BTBD9: variants seen among roughly 807,000 people sequenced by gnomAD.
BTBD9 encodes BTB domain containing 9.
BTBD9 carries 49 observed loss-of-function variants against 64.3 expected under a neutral mutation model. The ratio of observed to expected loss-of-function variants is 0.76; its 90% CI spans 0.61 to 0.97. The LOEUF (loss-of-function observed/expected upper bound fraction) is 0.97, where lower values mean the gene tolerates loss of function less well. BTBD9 is among the 50% of genes least tolerant of loss of function. BTBD9 has a pLI of 0.00. For synonymous variants in BTBD9, 260 were observed against 274.7 expected (o/e 0.95, Z 0.53); for missense variants, 598 against 762.1 (o/e 0.78, Z 2.53).
At chr6:38,351,768 G>C (rs1157614135) in intron 6 of BTBD9, among the ~76,000 whole-genome samples, 1 of 151,852 alleles carries the variant, frequency 6.6e-6, no homozygotes, top group Non-Finnish European at 1.5e-5. Flanking sequence ...CAAAGTGCTG[G>C]GATTACAGGC....
At chr6:38,513,352 G>A (rs1582556297) in intron 6 of BTBD9, among the ~76,000 whole-genome samples, 1 of 152,110 alleles carries the variant, frequency 6.6e-6, no homozygotes, top group South Asian at 2.1e-4. Context: ...GGAGGCTGAA[G>A]CAGAAGAATT....
At position 38,384,371 on chromosome 6, in the gene BTBD9, A is replaced by G. The variant is rs77595022; in HGVS notation, c.1155-39278T>C. On this transcript the variant is annotated intron_variant, in intron 6 of 10. Coordinates refer to ENST00000481247, the MANE Select transcript of BTBD9 (RefSeq NM_001099272.2). ...TAGGTTTTACCTGATGAAGAATTCA[A>G]TAAAATGGTATTAAAAGAGACAAAG... Among the ~76,000 whole-genome samples the G allele has an allele frequency of 5.4e-3, 824 of 152,330 alleles. 8 individuals are homozygous for G. The Middle Eastern group carries it at 0.061, about 11-fold the overall frequency.
chr6:38,288,439 T>C lies in BTBD9; in HGVS notation c.1287A>G (p.Thr429=), dbSNP rs200159473. The change falls in exon 8 of 11, where the codon ACA becomes ACG. Residue 429 remains threonine, a synonymous_variant. Transcript: ENST00000481247. ...CAATCACACTGGCACAATCAGCAAT[T>C]GTTGCAACATTCTCCATGGGAACTG... ...GLIVPMENVA[T]IADCASVIEG... The C allele has an allele frequency of 5.1e-5, 82 of 1,613,912 alleles. No individual in the cohort carries two copies. Among genetic ancestry groups the C allele is most frequent in the Middle Eastern group, 3.3e-4 (2 of 6,058 alleles).
chr6:38,365,429 G>C (rs910713735), intron 6 of BTBD9, among the ~76,000 whole-genome samples: 1 of 152,180 alleles, frequency 6.6e-6, no homozygotes, highest in Non-Finnish European at 1.5e-5. Context: ...ACCAGCAAGA[G>C]TAACAGGCTA....
intron 9 of BTBD9, among the ~76,000 whole-genome samples, chr6:38,201,729 C>A (rs1762467900): frequency 6.6e-6 from 1 of 152,186 alleles, no homozygotes. Flanking sequence ...GGTTGATAAG[C>A]AGATTCAGTA....
chr6:38,302,293 T>A (rs1056219127), intron 7 of BTBD9, among the ~76,000 whole-genome samples: 12 of 151,874 alleles, frequency 7.9e-5, no homozygotes, highest in Non-Finnish European at 1.5e-4. Flanking sequence ...CTTCTCAGCC[T>A]CTGGTAACCA....
intron 6 of BTBD9, among the ~76,000 whole-genome samples, chr6:38,495,273 T>C (rs1006132704): frequency 3.3e-5 from 5 of 152,228 alleles, no homozygotes; most frequent in Non-Finnish European, 4.4e-5. Flanking sequence ...TGAGGATTCA[T>C]TGTAATGATG....
At chr6:38,194,547 T>A (rs560462253) in intron 9 of BTBD9, among the ~76,000 whole-genome samples, 1 of 152,180 alleles carries the variant, frequency 6.6e-6, no homozygotes, top group Non-Finnish European at 1.5e-5. Context: ...GCCTGTCAAA[T>A]ATCCAAGTGA....
At chr6:38,413,699 T>C (rs1416576582) in intron 6 of BTBD9, among the ~76,000 whole-genome samples, 6 of 152,170 alleles carry the variant, frequency 3.9e-5, no homozygotes, top group African/African-American at 1.2e-4. Flanking sequence ...GACTTCATGC[T>C]TTTTTTAAAG....
intron 6 of BTBD9, among the ~76,000 whole-genome samples, chr6:38,394,036 A>T (rs1766552220): frequency 6.6e-6 from 1 of 152,072 alleles, no homozygotes; most frequent in African/African-American, 2.4e-5. Context: ...CCATCCATCC[A>T]CTCACCCATC....
At chr6:38,177,262 C>T (rs1464362176) in intron 10 of BTBD9, among the ~76,000 whole-genome samples, 1 of 152,226 alleles carries the variant, frequency 6.6e-6, no homozygotes, top group African/African-American at 2.4e-5. Flanking sequence ...CAAGCTCACT[C>T]CTCTGGTATT....
intron 7 of BTBD9, among the ~76,000 whole-genome samples, chr6:38,303,918 T>C (rs1408121950): frequency 7.3e-6 from 1 of 137,596 alleles, no homozygotes; most frequent in East Asian, 2.2e-4. Context: ...TATATGTGTA[T>C]ATATATATAT....
At chr6:38,389,967 A>G (rs1766338416) in intron 6 of BTBD9, among the ~76,000 whole-genome samples, 1 of 152,204 alleles carries the variant, frequency 6.6e-6, no homozygotes, top group Non-Finnish European at 1.5e-5. Context: ...CCACATACAT[A>G]TTGAATATAT....
intron 7 of BTBD9, among the ~76,000 whole-genome samples, chr6:38,321,767 A>G (rs777802043): frequency 5.3e-5 from 8 of 152,018 alleles, no homozygotes; most frequent in Non-Finnish European, 1.0e-4. Flanking sequence ...GGTATGCCAT[A>G]TTACACTTTC....
At chr6:38,552,073 A>G (rs1459463510) in intron 6 of BTBD9, among the ~76,000 whole-genome samples, 3 of 152,234 alleles carry the variant, frequency 2.0e-5, no homozygotes, top group Non-Finnish European at 4.4e-5. Context: ...AATGAAAATC[A>G]AAGTATGATA....
chr6:38,414,119 A>G (rs2127263746), intron 6 of BTBD9, among the ~76,000 whole-genome samples: 1 of 152,304 alleles, frequency 6.6e-6, no homozygotes, highest in Non-Finnish European at 1.5e-5. Context: ...CCTTATCTTT[A>G]TGTTTGTGGA....
At chr6:38,465,723 A>ATATATG (rs1262306414) in intron 6 of BTBD9, among the ~76,000 whole-genome samples, 1 of 53,628 alleles carries the variant, frequency 1.9e-5, no homozygotes, top group Non-Finnish European at 3.9e-5. Flanking sequence ...ATATATATAT[A>ATATATG]TATATATATA....
chr6:38,374,529 G>A (rs2127608647), intron 6 of BTBD9, among the ~76,000 whole-genome samples: 1 of 151,272 alleles, frequency 6.6e-6, no homozygotes, highest in African/African-American at 2.4e-5. Context: ...CTGGGATTAA[G>A]GGTGTGAGCC....
chr6:38,360,080 G>A (rs775894334), intron 6 of BTBD9, among the ~76,000 whole-genome samples: 18 of 152,234 alleles, frequency 1.2e-4, no homozygotes, highest in Non-Finnish European at 2.2e-4. Flanking sequence ...GTGCTTTAAC[G>A]TTTTTACAGC....
Sources: gnomAD v4.1 joint callset for allele counts (sites outside exome capture counted in the v4.1 genomes callset) on GRCh38, gnomAD v4.1.1 for gene constraint, MANE v1.5 for transcripts, NCBI Gene and HGNC (gene_info 2026-07-23, HGNC 2026-07-21) for gene names.